Variants in PTK7 observed in about 807,000 individuals in gnomAD.
The protein encoded by PTK7 is inactive tyrosine-protein kinase 7.
PTK7 carries 39 observed loss-of-function variants against 116.6 expected under a neutral mutation model. The observed-to-expected ratio is 0.33, with a 90% CI of 0.26 to 0.44. The LOEUF (loss-of-function observed/expected upper bound fraction) is 0.44, where lower values mean the gene tolerates loss of function less well. Among genes scored for constraint, PTK7 ranks in the 20% least tolerant of loss-of-function variants. The pLI is 1.00. For missense variants in PTK7, 1,169 were observed against 1,425.6 expected, an observed-to-expected ratio of 0.82 and a Z score of 2.90; for synonymous variants, 546 against 563.6, an observed-to-expected ratio of 0.97 and a Z score of 0.44.
At chr6:43,100,816 G>T (rs930712080) in intron 1 of PTK7, among the ~76,000 whole-genome samples, 3 of 152,112 alleles carry the variant, frequency 2.0e-5, no homozygotes, top group Non-Finnish European at 4.4e-5. Flanking sequence ...CAAGTGTCTT[G>T]CCTTGACCAA....
chr6:43,160,629 G>T lies in PTK7; in HGVS notation c.3053-92G>T. 32 of 1,510,134 alleles carry T rather than the reference G, an allele frequency of 2.1e-5. No homozygotes were observed. The South Asian group carries it at 3.8e-4, about 18-fold the overall frequency. The allele number at this position is 1,510,134 out of a possible 1,614,324, so 93.5% of individuals were successfully genotyped here. On this transcript the variant is annotated intron_variant, in intron 19 of 19. Coordinates refer to ENST00000230419, the MANE Select transcript of PTK7 (RefSeq NM_002821.5). ...CAGCATTGCCCCAGAGGCATCCTTG[G>T]GTGGCTGCTTGTATAAACTGCAAGG...
At chr6:43,086,550 C>A (rs1407160500) in intron 1 of PTK7, among the ~76,000 whole-genome samples, 1 of 152,084 alleles carries the variant, frequency 6.6e-6, no homozygotes, top group African/African-American at 2.4e-5. Flanking sequence ...ATAAGTACTC[C>A]CAGTCGTGGG....
In PTK7 at chr6:43,137,868, G is replaced by A. The variant is rs189315563; in HGVS notation, c.1229-981G>A. Reference sequence around the variant, plus strand: ...TTCGCCCAGGCTGGAGTGCAGTGGCGTGATCTCGGCTCACTGCAACCTCCA... The same window carrying A: ...TTCGCCCAGGCTGGAGTGCAGTGGCATGATCTCGGCTCACTGCAACCTCCA... On this transcript the variant is annotated intron_variant, in intron 7 of 19. Transcript: ENST00000230419. Among the ~76,000 whole-genome samples the A allele has an allele frequency of 1.5e-3, 223 of 152,034 alleles. 1 individual carries two copies. The highest frequency in any genetic ancestry group is 4.3e-3 in the African/African-American group (179 of 41,446).
At chr6:43,114,913 G>A (rs138916459) in intron 1 of PTK7, among the ~76,000 whole-genome samples, 5,703 of 152,032 alleles carry the variant, frequency 0.038, 149 homozygotes, top group Non-Finnish European at 0.06. Flanking sequence ...ATGGTGGCAC[G>A]TGCCTGTAAT....
intron 1 of PTK7, among the ~76,000 whole-genome samples, chr6:43,108,201 TC>T (rs1006444963): frequency 6.6e-6 from 1 of 150,758 alleles, no homozygotes; most frequent in Admixed American, 6.6e-5. Context: ...TTCAAGCGAT[TC>T]TCCTGCCTCA....
chr6:43,096,408 G>A lies in PTK7; in HGVS notation c.79+19841G>A, dbSNP rs571562971. 7.9e-5 allele frequency among the ~76,000 whole-genome samples: 12 copies of A among 152,070 alleles called. 1 individual carries two copies. The highest frequency in any genetic ancestry group is 6.8e-3 in the Middle Eastern group (2 of 294). ...GGACCGGGATCCAAGGGAGCTTTGC[G>A]GGTTCTCTTTCTGAGTTCCTCTGGA... On this transcript the variant is annotated intron_variant, in intron 1 of 19. Transcript: ENST00000230419.
intron 1 of PTK7, among the ~76,000 whole-genome samples, chr6:43,124,687 A>G (rs1458976255): frequency 1.3e-5 from 2 of 152,178 alleles, no homozygotes; most frequent in African/African-American, 4.8e-5. Flanking sequence ...AAAATAGCCC[A>G]ACAACAAACA....
chr6:43,076,451 G>T lies in PTK7; in HGVS notation c.-38G>T. 6.6e-7 allele frequency: 1 copy of T among 1,503,760 alleles called. No individual in the cohort carries two copies. The highest frequency in any genetic ancestry group is 8.8e-7 in the Non-Finnish European group (1 of 1,131,672). 93.2% of individuals were successfully genotyped at this position (1,503,760 alleles called of 1,614,324 possible). Reference sequence around the variant, plus strand: ...GCCGCGGAGCGCAGTCTGCGCGCCCGCCGTGCGCCCTCAGCTCCTTTTCCT... The same window carrying T: ...GCCGCGGAGCGCAGTCTGCGCGCCCTCCGTGCGCCCTCAGCTCCTTTTCCT... On this transcript the variant is annotated 5_prime_UTR_variant, in exon 1 of 20. Transcript: ENST00000230419. This position sits in a 1 kb window ranked among gnomAD's most constrained non-coding sequence, Gnocchi z 5.7.
At chr6:43,128,861 C>A in intron 1 of PTK7, 116 bp from the exon 2 acceptor site, 1 of 1,096,962 alleles carries the variant, frequency 9.1e-7, no homozygotes, top group Non-Finnish European at 1.3e-6. Context: ...CACACCTGCA[C>A]TTACTGGACG....
At chr6:43,092,554 G>T (rs530467214) in intron 1 of PTK7, among the ~76,000 whole-genome samples, 5 of 152,194 alleles carry the variant, frequency 3.3e-5, no homozygotes, top group Middle Eastern at 3.4e-3. Flanking sequence ...GGCATCCACT[G>T]GGGGGTCATA....
intron 17 of PTK7, among the ~76,000 whole-genome samples, chr6:43,157,364 A>ATTTTTTTTT (rs1293389236): frequency 7.4e-5 from 4 of 54,350 alleles, no homozygotes; most frequent in Admixed American, 2.4e-4. Flanking sequence ...ATATATATAT[A>ATTTTTTTTT]TTTTTTTTTT....
rs1770557361 is a variant in PTK7 at position 43,143,649 on chromosome 6, C to T, written c.2251+29C>T. On this transcript the variant is annotated intron_variant, in intron 14 of 19. Coordinates refer to ENST00000230419, the MANE Select transcript of PTK7 (RefSeq NM_002821.5). This position sits in a 1 kb window ranked among gnomAD's most constrained non-coding sequence, Gnocchi z 4.2. Reference sequence around the variant, plus strand: ...AGGGGCCCTGGACGGGGAGGTGGTGCCCGTGTGCGGGAGCTGAGCGCCCTC... The same window carrying T: ...AGGGGCCCTGGACGGGGAGGTGGTGTCCGTGTGCGGGAGCTGAGCGCCCTC... 6.3e-7 allele frequency: 1 copy of T among 1,598,210 alleles called. No homozygotes were observed. The highest frequency in any genetic ancestry group is 1.7e-5 in the Admixed American group (1 of 57,862).
At chr6:43,158,463 G>C (rs1316428296) in intron 17 of PTK7, among the ~76,000 whole-genome samples, 2 of 152,116 alleles carry the variant, frequency 1.3e-5, no homozygotes, top group Admixed American at 1.3e-4. Context: ...GCAAGACCCT[G>C]TCACTTGAAA....
chr6:43,114,893 T>A (rs375643223), intron 1 of PTK7, among the ~76,000 whole-genome samples: 11 of 151,988 alleles, frequency 7.2e-5, no homozygotes, highest in African/African-American at 2.2e-4. Flanking sequence ...TACAAAAAAA[T>A]TAGCGGGGCA....
chr6:43,147,806 A>G (rs563195919), intron 17 of PTK7, among the ~76,000 whole-genome samples: 36 of 152,212 alleles, frequency 2.4e-4, no homozygotes, highest in Non-Finnish European at 4.6e-4. Flanking sequence ...CTCCTTCCCC[A>G]TGAAACTGCA....
intron 1 of PTK7, among the ~76,000 whole-genome samples, chr6:43,125,488 G>A (rs1769236167): frequency 6.6e-6 from 1 of 152,296 alleles, no homozygotes. Flanking sequence ...TGTGGCAGGT[G>A]GTCTGTGGTT....
At chr6:43,151,905 C>T (rs1469974396) in intron 17 of PTK7, among the ~76,000 whole-genome samples, 4 of 127,542 alleles carry the variant, frequency 3.1e-5, no homozygotes, top group East Asian at 5.2e-4. Context: ...AGTGCAGTGG[C>T]GGGATCTCGG....
At chr6:43,142,104 C>G in intron 12 of PTK7, 23 bp downstream of exon 12, 1 of 1,612,054 alleles carries the variant, frequency 6.2e-7, no homozygotes, top group Non-Finnish European at 8.5e-7. Flanking sequence ...CTCTCCCACA[C>G]CCGTCCCTCC....
chr6:43,149,027 C>T (rs1169708098), intron 17 of PTK7, among the ~76,000 whole-genome samples: 1 of 140,140 alleles, frequency 7.1e-6, no homozygotes, highest in Non-Finnish European at 1.5e-5. Flanking sequence ...CCATTGCACT[C>T]CAGCCTGGGA....
Sources: allele counts gnomAD v4.1 joint callset (sites outside exome capture counted in the v4.1 genomes callset), GRCh38; gene constraint gnomAD v4.1.1; non-coding constraint Gnocchi (gnomAD v3.1); transcripts MANE v1.5; gene names NCBI Gene and HGNC (gene_info 2026-07-23, HGNC 2026-07-21).